OTOF: variants seen among roughly 807,000 people sequenced by gnomAD.
OTOF encodes the protein otoferlin.
Under a neutral mutation model 236.8 loss-of-function variants are expected in OTOF, and 218 were observed. The observed-to-expected ratio is 0.92, with a 90% confidence interval of 0.82 to 1.03. The LOEUF (loss-of-function observed/expected upper bound fraction) is 1.03, where lower values mean the gene tolerates loss of function less well. Ranked by LOEUF, OTOF falls within the 50% of genes least tolerant of loss-of-function variation. The pLI is 0.00. For missense variants in OTOF, 2,590 were observed against 2,694.4 expected, an observed-to-expected ratio of 0.96 and a Z score of 0.86; for synonymous variants, 1,041 against 1,072.5, an observed-to-expected ratio of 0.97 and a Z score of 0.57.
intron 5 of OTOF, among the ~76,000 whole-genome samples, chr2:26,509,915 G>C (rs988413167): frequency 7.2e-5 from 11 of 152,286 alleles, no homozygotes; most frequent in Non-Finnish European, 1.3e-4. Context: ...TTTGTCATCT[G>C]TAAGAGCAGG....
intron 5 of OTOF, among the ~76,000 whole-genome samples, chr2:26,512,235 G>T (rs901577310): frequency 6.6e-6 from 1 of 152,164 alleles, no homozygotes; most frequent in African/African-American, 2.4e-5. Flanking sequence ...GCAGAATACT[G>T]GGACTCAGGA....
intron 9 of OTOF, among the ~76,000 whole-genome samples, chr2:26,494,627 G>C (rs948865192): frequency 1.4e-5 from 2 of 143,780 alleles, no homozygotes; most frequent in African/African-American, 5.3e-5. Flanking sequence ...CTGGGAAACA[G>C]TGGGAACCAG....
In OTOF at chr2:26,485,434, T is replaced by C. The variant is rs375706035; in HGVS notation, c.1046-801A>G. Among the ~76,000 whole-genome samples the C allele has an allele frequency of 5.3e-4, 81 of 152,330 alleles. 2 individuals carry two copies. In the South Asian group the frequency reaches 0.016, roughly 30 times the overall value. ...GATCTGGGTATTGTTTGGCTCTGAT[T>C]TTAGACTGAGAGTCTCCTAAAGACA... On this transcript the variant is annotated intron_variant, in intron 11 of 46. Coordinates refer to ENST00000272371, the MANE Select transcript of OTOF (RefSeq NM_194248.3).
chr2:26,553,583 G>A lies in OTOF; in HGVS notation c.79+4910C>T, dbSNP rs538213273. Among the ~76,000 whole-genome samples the A allele has an allele frequency of 9.9e-5, 15 of 152,238 alleles. No individual in the cohort carries two copies. The South Asian group carries it at 2.7e-3, about 27-fold the overall frequency. ...GTCAGATGGTGAGATCCTGCCCCAC[G>A]TGTGGTCGCAGTAAGGCTCGGAAAG... On this transcript the variant is annotated intron_variant, in intron 1 of 46. Coordinates refer to ENST00000272371, the MANE Select transcript of OTOF (RefSeq NM_194248.3).
intron 8 of OTOF, among the ~76,000 whole-genome samples, chr2:26,501,086 A>G (rs1666105687): frequency 6.6e-6 from 1 of 152,208 alleles, no homozygotes; most frequent in African/African-American, 2.4e-5. Context: ...GTCTGGAGCA[A>G]TGGAGGGTCC....
chr2:26,504,565 G>A (rs1666201843), intron 5 of OTOF, among the ~76,000 whole-genome samples: 1 of 152,074 alleles, frequency 6.6e-6, no homozygotes, highest in Non-Finnish European at 1.5e-5. Context: ...CCAACCCCAG[G>A]AACTTATGGC....
At chr2:26,484,295 C>T (rs918848404) in intron 12 of OTOF, among the ~76,000 whole-genome samples, 179 bp downstream of exon 12, 2 of 152,244 alleles carry the variant, frequency 1.3e-5, no homozygotes, top group African/African-American at 2.4e-5. Flanking sequence ...TATTCTCAGC[C>T]ATCCTCCATC....
intron 9 of OTOF, among the ~76,000 whole-genome samples, chr2:26,491,267 A>T (rs989318261): frequency 1.2e-4 from 19 of 152,186 alleles, no homozygotes; most frequent in Admixed American, 4.6e-4. Context: ...GACCTTGAGG[A>T]GAGCAGTGTC....
chr2:26,474,683 A>G lies in OTOF; in HGVS notation c.3127-9T>C, dbSNP rs1388461625. On this transcript the variant is annotated splice_polypyrimidine_tract_variant and intron_variant, in intron 25 of 46. Transcript: ENST00000272371. The stretch of plus-strand genomic sequence containing the variant: ...ATGAAGTCAGCTTTGCCCTGACGCA[A>G]CAGACAACCCAGAAGCCTCTTGGTG... The G allele has an allele frequency of 1.2e-6, 2 of 1,613,046 alleles. No individual in the cohort carries two copies. Among genetic ancestry groups the G allele is most frequent in the African/African-American group, 1.3e-5 (1 of 74,910 alleles).
intron 1 of OTOF, among the ~76,000 whole-genome samples, chr2:26,549,476 A>G (rs1667407781): frequency 1.3e-5 from 2 of 152,230 alleles, no homozygotes; most frequent in African/African-American, 4.8e-5. Context: ...ACAGAGCCAG[A>G]CTTGGGATAC....
Position 26,474,019 on chromosome 2 carries a change from C to A in OTOF, c.3380G>T (p.Arg1127Leu). 1 of 1,612,972 alleles carries A rather than the reference C, an allele frequency of 6.2e-7. No individual in the cohort carries two copies. Among genetic ancestry groups the A allele is most frequent in the East Asian group, 2.2e-5 (1 of 44,862 alleles). Residue 1127 changes from arginine to leucine, a missense_variant, in exon 27 of 47, where the codon CGG becomes CTG. Around this residue, in one of 2 missense-constraint regions of OTOF, gnomAD observed 1,211 missense variants for 1,352.8 expected, o/e 0.90. Transcript: ENST00000272371. Reference protein sequence around the residue: ...GPIMPVPMGIRPVLSKYRVEV... With the variant: ...GPIMPVPMGILPVLSKYRVEV... ...CACTCGGTACTTGCTGAGCACGGGC[C>A]GGATGCCCATGGGCACGGGCATGAT...
At chr2:26,537,147 A>C (rs4665335) in intron 2 of OTOF, among the ~76,000 whole-genome samples, 59,550 of 152,148 alleles carry the variant, frequency 0.39, 12,961 homozygotes, top group Admixed American at 0.53. Context: ...TTTCTCATGG[A>C]ACCCCCAGAG....
At chr2:26,468,021 A>G (rs574763327) in intron 33 of OTOF, among the ~76,000 whole-genome samples, 1 of 152,240 alleles carries the variant, frequency 6.6e-6, no homozygotes, top group Non-Finnish European at 1.5e-5. Context: ...TCCTGCACCA[A>G]AACAAGCTGT....
intron 3 of OTOF, among the ~76,000 whole-genome samples, chr2:26,522,756 C>T (rs955768592): frequency 1.3e-5 from 2 of 152,212 alleles, no homozygotes; most frequent in East Asian, 3.8e-4. Flanking sequence ...CTGTCCTGAA[C>T]CTGCTGTGTG....
chr2:26,525,793 G>C (rs1666786838), intron 3 of OTOF, among the ~76,000 whole-genome samples: 1 of 152,078 alleles, frequency 6.6e-6, no homozygotes, highest in East Asian at 1.9e-4. Context: ...TGAATGGAAA[G>C]ATAGAAGGAT....
At chr2:26,538,733 A>T (rs2148123995) in intron 1 of OTOF, among the ~76,000 whole-genome samples, 1 of 152,032 alleles carries the variant, frequency 6.6e-6, no homozygotes, top group East Asian at 1.9e-4. Context: ...CCAATGACAA[A>T]GGCACAGGCT....
At chr2:26,553,776 C>T (rs73923721) in intron 1 of OTOF, among the ~76,000 whole-genome samples, 6,802 of 152,240 alleles carry the variant, frequency 0.045, 185 homozygotes, top group Middle Eastern at 0.099. Flanking sequence ...CCTCCTTTCC[C>T]GTCTGCCCTT....
rs761179256 is a variant in OTOF at position 26,477,468 on chromosome 2, G to A, written c.2354C>T (p.Ser785Leu). The A allele has an allele frequency of 5.6e-6, 9 of 1,603,576 alleles. No homozygotes were observed. Among genetic ancestry groups the A allele is most frequent in the African/African-American group, 4.0e-5 (3 of 74,774 alleles). The change falls in exon 20 of 47, where the codon TCA (serine) becomes TTA (leucine). Residue 785 changes from serine (S) to leucine (L), a missense_variant. By Grantham distance (145) the Ser-to-Leu change is moderately radical. Transcript: ENST00000272371. This position sits in a 1 kb window ranked among gnomAD's most constrained non-coding sequence, Gnocchi z 4.7. ...LSLADKDQGH[S>L]SRTRLDRERL... ...CTCCCGGTCAAGCCTGGTGCGGGAT[G>A]AGTGGCCCTGGTCCTTGTCAGCGAG...
chr2:26,501,879 G>C (rs2148078151), intron 7 of OTOF, 71 bp from the exon 8 acceptor site: 4 of 1,092,962 alleles, frequency 3.7e-6, no homozygotes, highest in Non-Finnish European at 5.7e-6. Context: ...CACTGGCAGT[G>C]GTTAGACCTG....
Sources: allele counts gnomAD v4.1 joint callset (sites outside exome capture counted in the v4.1 genomes callset), GRCh38; gene constraint gnomAD v4.1.1; regional missense constraint gnomAD v4.1.1; non-coding constraint Gnocchi (gnomAD v3.1); transcripts MANE v1.5; gene names NCBI Gene and HGNC (gene_info 2026-07-23, HGNC 2026-07-21).